Variants in TBC1D5 observed in about 807,000 individuals in gnomAD.
TBC1D5 encodes the protein TBC1 domain family member 5, also known as TBC1 domain family, member 5.
A neutral mutation model predicts 100.3 loss-of-function variants in TBC1D5; 75 were observed. That is an observed-to-expected ratio of 0.75 (90% CI 0.62 to 0.91). TBC1D5 has a LOEUF of 0.91. Among genes scored for constraint, TBC1D5 ranks in the 40% least tolerant of loss-of-function variants. The probability of loss-of-function intolerance (pLI) is 0.00; values close to 1 mark genes in which losing one functional copy is unlikely to be tolerated. For synonymous variants in TBC1D5, 323 were observed against 325.6 expected (o/e 0.99, Z 0.09); for missense variants, 910 against 942.4 (o/e 0.97, Z 0.45).
At chr3:17,430,670 C>T (rs2149392978) in intron 3 of TBC1D5, among the ~76,000 whole-genome samples, 1 of 151,944 alleles carries the variant, frequency 6.6e-6, no homozygotes, top group East Asian at 1.9e-4. Context: ...CCTCAATCCT[C>T]TAGTTGAAAT....
At chr3:17,533,737 G>A (rs116737728) in intron 2 of TBC1D5, among the ~76,000 whole-genome samples, 21 of 150,902 alleles carry the variant, frequency 1.4e-4, no homozygotes, top group South Asian at 4.2e-4. Context: ...TCTAACAATC[G>A]TTCTGGATTT....
At chr3:17,712,820 G>T (rs750813482) in intron 1 of TBC1D5, among the ~76,000 whole-genome samples, 2 of 152,162 alleles carry the variant, frequency 1.3e-5, no homozygotes, top group Non-Finnish European at 2.9e-5. Context: ...CAGAGCCCTG[G>T]AATCAGCATT....
chr3:17,735,039 G>A (rs2076855474), intron 1 of TBC1D5, among the ~76,000 whole-genome samples: 2 of 152,286 alleles, frequency 1.3e-5, no homozygotes, highest in South Asian at 4.1e-4. Context: ...GACGCAGTGA[G>A]CTGTGATCGT....
At chr3:17,353,860 C>A (rs1000450293) in intron 13 of TBC1D5, among the ~76,000 whole-genome samples, 1 of 151,988 alleles carries the variant, frequency 6.6e-6, no homozygotes, top group Non-Finnish European at 1.5e-5. Context: ...CAAGCTCCCC[C>A]AAGAGTAATT....
At chr3:17,729,504 G>C (rs1156689484) in intron 1 of TBC1D5, among the ~76,000 whole-genome samples, 1 of 151,414 alleles carries the variant, frequency 6.6e-6, no homozygotes, top group Admixed American at 6.6e-5. Flanking sequence ...TCAGGAGATC[G>C]AGACCATCTT....
intron 1 of TBC1D5, among the ~76,000 whole-genome samples, chr3:17,636,145 C>T (rs2063897248): frequency 6.6e-6 from 1 of 151,926 alleles, no homozygotes; most frequent in Admixed American, 6.6e-5. Flanking sequence ...GTGAATTTCG[C>T]TGCTGTACTC....
intron 2 of TBC1D5, among the ~76,000 whole-genome samples, chr3:17,597,107 T>G (rs933225954): frequency 1.3e-5 from 2 of 152,242 alleles, no homozygotes; most frequent in African/African-American, 2.4e-5. Context: ...TGTAGGCAGC[T>G]GTAGTTTTTA....
At chr3:17,436,025 A>G (rs926911456) in intron 3 of TBC1D5, among the ~76,000 whole-genome samples, 2 of 152,212 alleles carry the variant, frequency 1.3e-5, no homozygotes, top group African/African-American at 2.4e-5. Context: ...ATAAATACAA[A>G]GTGCTTTTAG....
chr3:17,296,227 GAA>G (rs2082243279), intron 14 of TBC1D5, among the ~76,000 whole-genome samples: 1 of 152,114 alleles, frequency 6.6e-6, no homozygotes, highest in African/African-American at 2.4e-5. Flanking sequence ...TAACAAAAAA[GAA>G]AACCTTCTTT....
chr3:17,669,649 C>T (rs568907785), intron 1 of TBC1D5, among the ~76,000 whole-genome samples: 6 of 152,074 alleles, frequency 3.9e-5, no homozygotes, highest in South Asian at 4.2e-4. Flanking sequence ...TATTAAAATA[C>T]GTTAATACAT....
intron 2 of TBC1D5, among the ~76,000 whole-genome samples, chr3:17,595,944 TC>T (rs1427289386): frequency 6.6e-6 from 1 of 152,198 alleles, no homozygotes; most frequent in Non-Finnish European, 1.5e-5. Context: ...GGGTTGTGCA[TC>T]ACTATTAATG....
chr3:17,193,309 C>T (rs142345689), intron 18 of TBC1D5, among the ~76,000 whole-genome samples: 1 of 152,286 alleles, frequency 6.6e-6, no homozygotes, highest in East Asian at 1.9e-4. Context: ...TTTATTTTTC[C>T]CTGCAAAAAT....
At chr3:17,649,939 T>C (rs949624944) in intron 1 of TBC1D5, among the ~76,000 whole-genome samples, 3 of 152,124 alleles carry the variant, frequency 2.0e-5, no homozygotes, top group African/African-American at 7.2e-5. Flanking sequence ...GTGGCCCATA[T>C]ACACCATGGA....
intron 1 of TBC1D5, among the ~76,000 whole-genome samples, chr3:17,639,634 A>T (rs1485877271): frequency 6.6e-6 from 1 of 152,142 alleles, no homozygotes; most frequent in Non-Finnish European, 1.5e-5. Context: ...TTTCCACCAT[A>T]AAAAAGGGGG....
rs150958710 is a variant in TBC1D5, at chr3:17,567,445, A to G, written c.-36+56404T>C. ...ATAATTAATAGGTAAACAACAATCT[A>G]ATTAAAATGGACAAATACTCCATGT... On this transcript the variant is annotated intron_variant, in intron 2 of 21. Coordinates refer to ENST00000253692, the Ensembl canonical transcript of TBC1D5. Among the ~76,000 whole-genome samples the G allele has an allele frequency of 1.7e-3, 265 of 151,918 alleles. 3 individuals are homozygous for G. The East Asian group carries it at 0.04, about 23-fold the overall frequency.
rs930289134 is a variant in TBC1D5, at chr3:17,251,430, C to A, written c.1331+7076G>T. On this transcript the variant is annotated intron_variant, in intron 16 of 21. Transcript: ENST00000253692. ...GAATATATATACTCACGGGAACCCC[C>A]CCCCCCCCAGTAGAAGCGATTAGAA... Among the ~76,000 whole-genome samples, 25 of 141,388 alleles carry A rather than the reference C, an allele frequency of 1.8e-4. 1 individual carries two copies. Among genetic ancestry groups the A allele is most frequent in the African/African-American group, 6.1e-4 (24 of 39,566 alleles). 92.8% of individuals were successfully genotyped at this position (141,388 alleles called of 152,430 possible). A position where few individuals can be genotyped will look rare whatever the true frequency, so the allele number is the denominator to read the frequency against.
At chr3:17,635,604 T>C (rs961882694) in intron 1 of TBC1D5, among the ~76,000 whole-genome samples, 1 of 151,750 alleles carries the variant, frequency 6.6e-6, no homozygotes, top group Admixed American at 6.6e-5. Context: ...TGCTTGAACC[T>C]GGAAGGTGGA....
At chr3:17,590,183 G>C (rs2096757609) in intron 2 of TBC1D5, among the ~76,000 whole-genome samples, 1 of 152,152 alleles carries the variant, frequency 6.6e-6, no homozygotes. Flanking sequence ...AACTGTTTGA[G>C]TTTTCCAGTT....
At chr3:17,423,554 A>G (rs1372515601) in intron 4 of TBC1D5, among the ~76,000 whole-genome samples, 1 of 152,142 alleles carries the variant, frequency 6.6e-6, no homozygotes, top group Non-Finnish European at 1.5e-5. Context: ...TGGTGTTTAT[A>G]ATTTTGAACT....
Sources: allele counts gnomAD v4.1 joint callset (sites outside exome capture counted in the v4.1 genomes callset), GRCh38; gene constraint gnomAD v4.1.1; transcripts MANE v1.5; gene names NCBI Gene and HGNC (gene_info 2026-07-23, HGNC 2026-07-21).